JAK1: variants seen among roughly 807,000 people sequenced by gnomAD.
The protein encoded by JAK1 is tyrosine-protein kinase JAK1.
Under a neutral mutation model 136.6 loss-of-function variants are expected in JAK1, and 16 were observed. The observed-to-expected ratio is 0.12, with a 90% confidence interval of 0.08 to 0.18. JAK1 has a LOEUF of 0.18. Ranked by LOEUF, JAK1 falls within the 10% of genes least tolerant of loss-of-function variation. JAK1 has a pLI of 1.00. For synonymous variants in JAK1, 492 were observed against 519.5 expected, an observed-to-expected ratio of 0.95 and a Z score of 0.72; for missense variants, 859 against 1,450.1, an observed-to-expected ratio of 0.59 and a Z score of 6.62.
At chr1:64,858,483 C>T (rs1397378113) in intron 9 of JAK1, among the ~76,000 whole-genome samples, 1 of 152,208 alleles carries the variant, frequency 6.6e-6, no homozygotes, top group East Asian at 1.9e-4. Flanking sequence ...GTACCCTTTC[C>T]GTGCTTTAAG....
intron 8 of JAK1, among the ~76,000 whole-genome samples, chr1:64,862,273 T>A (rs1221247455): frequency 2.6e-5 from 4 of 152,270 alleles, no homozygotes; most frequent in Non-Finnish European, 5.9e-5. Context: ...TTTTTATAGG[T>A]CAAAATGGTC....
chr1:64,890,754 T>C (rs561089190), intron 1 of JAK1, among the ~76,000 whole-genome samples: 4 of 152,356 alleles, frequency 2.6e-5, no homozygotes, highest in African/African-American at 9.6e-5. Context: ...TAAAGTGGGC[T>C]ATGAATCTGC....
intron 1 of JAK1, among the ~76,000 whole-genome samples, chr1:64,960,752 C>G (rs995381451): frequency 2.6e-5 from 4 of 152,204 alleles, no homozygotes; most frequent in Non-Finnish European, 4.4e-5. Context: ...TGTCCTCAGA[C>G]CTTCTTACAT....
intron 17 of JAK1, among the ~76,000 whole-genome samples, chr1:64,842,834 C>T (rs758905367): frequency 6.6e-4 from 101 of 152,146 alleles, no homozygotes; most frequent in Non-Finnish European, 1.0e-3. Context: ...GGTTTCCCTG[C>T]GGGTTTAAGA....
intron 1 of JAK1, among the ~76,000 whole-genome samples, chr1:64,911,476 C>T (rs1645284873): frequency 6.6e-6 from 1 of 152,138 alleles, no homozygotes; most frequent in African/African-American, 2.4e-5. Context: ...AATATCATGC[C>T]GGATAGAGGC....
At chr1:64,976,291 T>G (rs113976146) in intron 2 of JAK1, among the ~76,000 whole-genome samples, 2,706 of 152,358 alleles carry the variant, frequency 0.018, 92 homozygotes, top group African/African-American at 0.062. Flanking sequence ...GGTGGTGTTA[T>G]GTATGACCTG....
At position 64,933,510 on chromosome 1, in the gene JAK1, G is replaced by A. The variant is rs1044997807; in HGVS notation, c.-78+32823C>T. Among the ~76,000 whole-genome samples the A allele has an allele frequency of 9.9e-5, 15 of 152,276 alleles. No homozygotes were observed. The South Asian group carries it at 1.5e-3, about 15-fold the overall frequency. On this transcript the variant is annotated intron_variant, in intron 1 of 24. Transcript: ENST00000342505. ...AGCAGGATTCCAAAAGGCCTTTCACGCATGTTTTCACAATGCCCCAATACT... is the reference window on the plus strand; with the variant it reads ...AGCAGGATTCCAAAAGGCCTTTCACACATGTTTTCACAATGCCCCAATACT...
At chr1:65,028,525 C>A (rs1308452073) in intron 2 of JAK1, among the ~76,000 whole-genome samples, 1 of 151,638 alleles carries the variant, frequency 6.6e-6, no homozygotes, top group Admixed American at 6.6e-5. Flanking sequence ...CTGGTATAAC[C>A]ACACAAATCA....
At chr1:64,841,622 T>C in intron 17 of JAK1, 21 bp from the exon 18 acceptor site, 2 of 1,612,890 alleles carry the variant, frequency 1.2e-6, no homozygotes, top group Non-Finnish European at 1.7e-6. Context: ...GAGGGGCACA[T>C]GGAAGAAACC....
chr1:64,990,935 A>AT (rs1341740750), intron 2 of JAK1: 6 of 144,776 alleles, frequency 4.1e-5, no homozygotes, highest in African/African-American at 1.5e-4. Flanking sequence ...AAAAAAAAAA[A>AT]AAAAGAAAAG....
At position 64,838,458 on chromosome 1, in the gene JAK1, T is replaced by G; in HGVS notation, c.2967+7A>C. 1.2e-6 allele frequency: 2 copies of G among 1,613,704 alleles called. No individual in the cohort carries two copies. The highest frequency in any genetic ancestry group is 1.7e-6 in the Non-Finnish European group (2 of 1,179,822). ...TTAATCTGTAACATGATGTCTTTAT[T>G]TTTTACCTTACAAATCTGAACGGCA... is the stretch of plus-strand genomic sequence containing the variant. On this transcript the variant is annotated splice_region_variant and intron_variant, in intron 21 of 24. Coordinates refer to ENST00000342505, the MANE Select transcript of JAK1 (RefSeq NM_002227.4).
At chr1:64,928,960 G>A (rs172659) in intron 1 of JAK1, among the ~76,000 whole-genome samples, 1 of 152,152 alleles carries the variant, frequency 6.6e-6, no homozygotes, top group Non-Finnish European at 1.5e-5. Context: ...GTAGACCTCA[G>A]AATAAAGCTG....
chr1:65,003,012 G>GC (rs1398287618), intron 2 of JAK1, among the ~76,000 whole-genome samples: 1 of 106,390 alleles, frequency 9.4e-6, no homozygotes, highest in Non-Finnish European at 2.0e-5. Flanking sequence ...AGACAACCTA[G>GC]CTTTTTTTTT....
At chr1:64,969,874 ACC>A (rs970623348), upstream of JAK1, among the ~76,000 whole-genome samples, 2 of 152,096 alleles carry the variant, frequency 1.3e-5, no homozygotes, top group Admixed American at 1.3e-4. Flanking sequence ...GGTGGCTTAG[ACC>A]TGTAATCCCA....
rs763517198 is a variant in JAK1, at chr1:64,838,151, G to A, written c.2968-47C>T. 2.6e-6 allele frequency: 4 copies of A among 1,532,524 alleles called. No homozygotes were observed. The East Asian group carries it at 6.8e-5, about 26-fold the overall frequency. 94.9% of individuals were successfully genotyped at this position (1,532,524 alleles called of 1,614,324 possible). On this transcript the variant is annotated intron_variant, in intron 21 of 24. Coordinates refer to ENST00000342505, the MANE Select transcript of JAK1 (RefSeq NM_002227.4). The stretch of plus-strand genomic sequence containing the variant: ...CAAGCACATTGCTAAAGTCACTTTA[G>A]ATTGTATTATCTATCACTTCATCAG...
At chr1:64,841,720 G>T in intron 17 of JAK1, 119 bp from the exon 18 acceptor site, 1 of 1,010,586 alleles carries the variant, frequency 9.9e-7, no homozygotes, top group Non-Finnish European at 1.5e-6. Flanking sequence ...CTTACAGGTA[G>T]ATTTCGTAAG....
At chr1:65,024,660 C>CAA (rs11349903) in intron 2 of JAK1, among the ~76,000 whole-genome samples, 48 of 69,838 alleles carry the variant, frequency 6.9e-4, no homozygotes, top group African/African-American at 1.5e-3. Context: ...TGGTCCAAAG[C>CAA]AAAAAAAAAA....
intron 1 of JAK1, among the ~76,000 whole-genome samples, chr1:64,960,029 C>G (rs911981523): frequency 6.6e-6 from 1 of 152,076 alleles, no homozygotes; most frequent in East Asian, 1.9e-4. Context: ...GAGTTCGAGA[C>G]CAGCCTGAAT....
chr1:64,869,153 T>G (rs1656906723), intron 6 of JAK1, among the ~76,000 whole-genome samples, 158 bp downstream of exon 6: 1 of 152,172 alleles, frequency 6.6e-6, no homozygotes, highest in African/African-American at 2.4e-5. Context: ...CAATTATAAT[T>G]AGGCTACGTG....
Sources: allele counts gnomAD v4.1 joint callset (sites outside exome capture counted in the v4.1 genomes callset), GRCh38; gene constraint gnomAD v4.1.1; transcripts MANE v1.5; gene names NCBI Gene and HGNC (gene_info 2026-07-23, HGNC 2026-07-21).